LAMA2: variants seen among roughly 807,000 people sequenced by gnomAD.
LAMA2 encodes the protein laminin subunit alpha 2.
Under a neutral mutation model 364.8 loss-of-function variants are expected in LAMA2, and 269 were observed. The observed-to-expected ratio is 0.74, with a 90% confidence interval of 0.67 to 0.82. LAMA2 has a LOEUF of 0.82. LAMA2 is among the 40% of genes least tolerant of loss of function. LAMA2 has a pLI of 0.00. For synonymous variants in LAMA2, 1,379 were observed against 1,370.6 expected, an observed-to-expected ratio of 1.01 and a Z score of -0.14; for missense variants, 3,807 against 3,873.2, an observed-to-expected ratio of 0.98 and a Z score of 0.45.
intron 1 of LAMA2, among the ~76,000 whole-genome samples, chr6:128,942,090 G>A (rs1278825447): frequency 6.6e-6 from 1 of 152,108 alleles, no homozygotes; most frequent in Admixed American, 6.6e-5. Context: ...AACAACGGAA[G>A]CACAAATAGT....
At chr6:129,277,455 T>A (rs890888511) in intron 17 of LAMA2, among the ~76,000 whole-genome samples, 9 of 152,212 alleles carry the variant, frequency 5.9e-5, no homozygotes, top group African/African-American at 1.9e-4. Flanking sequence ...CAGTTTATGT[T>A]GTTGAAAGAA....
At chr6:129,204,596 C>T (rs1182353874) in intron 12 of LAMA2, among the ~76,000 whole-genome samples, 1 of 152,160 alleles carries the variant, frequency 6.6e-6, no homozygotes, top group African/African-American at 2.4e-5. Flanking sequence ...CCTCTTAGCC[C>T]TCAAAGGGAA....
At chr6:129,221,924 T>C (rs1228009734) in intron 12 of LAMA2, among the ~76,000 whole-genome samples, 1 of 152,252 alleles carries the variant, frequency 6.6e-6, no homozygotes, top group African/African-American at 2.4e-5. Flanking sequence ...GATAATATGA[T>C]GCTTAGTGAT....
rs542618995 is a variant in LAMA2 at position 129,256,898 on chromosome 6, T to TA, written c.2097-3812dup. Reference sequence around the variant, plus strand: ...TGTTTTAGTGTAATATAGCATATCTTACTCTGGTGGGAAATGTAGTAAAAC... The same window carrying TA: ...TGTTTTAGTGTAATATAGCATATCTTAACTCTGGTGGGAAATGTAGTAAAAC... On this transcript the variant is annotated intron_variant, in intron 14 of 64. Transcript: ENST00000421865. Among the ~76,000 whole-genome samples the TA allele has an allele frequency of 1.2e-4, 18 of 150,644 alleles. No homozygotes were observed. In the East Asian group the frequency reaches 2.9e-3, roughly 24 times the overall value.
At chr6:129,015,518 T>C (rs1785016241) in intron 1 of LAMA2, among the ~76,000 whole-genome samples, 1 of 152,112 alleles carries the variant, frequency 6.6e-6, no homozygotes, top group African/African-American at 2.4e-5. Flanking sequence ...GTATATAATA[T>C]GAAATATACC....
chr6:129,323,883 G>A (rs893964917), intron 28 of LAMA2, among the ~76,000 whole-genome samples: 1 of 152,208 alleles, frequency 6.6e-6, no homozygotes, highest in Non-Finnish European at 1.5e-5. Context: ...CTTTAGGCTT[G>A]CAGTTGAATG....
At chr6:129,059,296 G>A (rs1486482017) in intron 2 of LAMA2, among the ~76,000 whole-genome samples, 1 of 151,940 alleles carries the variant, frequency 6.6e-6, no homozygotes, top group Non-Finnish European at 1.5e-5. Context: ...ATATATATTG[G>A]ACTCCCTACG....
At chr6:129,148,398 A>T (rs1365457680) in intron 6 of LAMA2, among the ~76,000 whole-genome samples, 2 of 152,080 alleles carry the variant, frequency 1.3e-5, no homozygotes, top group African/African-American at 4.8e-5. Context: ...CAGACAGCTA[A>T]TGCATGCAGG....
chr6:128,914,709 T>TGTA (rs1420135296), intron 1 of LAMA2, among the ~76,000 whole-genome samples: 1 of 152,160 alleles, frequency 6.6e-6, no homozygotes, highest in Non-Finnish European at 1.5e-5. Context: ...TGAGATAAAC[T>TGTA]GTAAGTGTAT....
chr6:129,370,706 T>C (rs1324896812), intron 34 of LAMA2, among the ~76,000 whole-genome samples: 1 of 152,230 alleles, frequency 6.6e-6, no homozygotes, highest in Admixed American at 6.5e-5. Context: ...GCTAGAAGGT[T>C]CCTGGGGATT....
At chr6:129,397,184 C>A (rs544899633) in intron 37 of LAMA2, among the ~76,000 whole-genome samples, 22 of 152,032 alleles carry the variant, frequency 1.4e-4, no homozygotes, top group Middle Eastern at 3.4e-3. Context: ...GAAATATAAT[C>A]AACCTTCATA....
At chr6:129,021,153 C>T (rs1016416187) in intron 1 of LAMA2, among the ~76,000 whole-genome samples, 11 of 152,132 alleles carry the variant, frequency 7.2e-5, no homozygotes, top group African/African-American at 2.7e-4. Flanking sequence ...CAGTGTTTAA[C>T]ACAACCCCCA....
intron 52 of LAMA2, 130 bp from the exon 53 acceptor site, chr6:129,475,260 C>T: frequency 1.7e-6 from 1 of 599,292 alleles, no homozygotes; most frequent in Non-Finnish European, 2.8e-6. Flanking sequence ...CATTTCTTTC[C>T]TTTGTAGATC....
At chr6:129,078,625 T>G (rs1773818750) in intron 3 of LAMA2, among the ~76,000 whole-genome samples, 2 of 152,216 alleles carry the variant, frequency 1.3e-5, no homozygotes, top group Non-Finnish European at 2.9e-5. Context: ...CCTCTTATAA[T>G]ATGGTATGGC....
At chr6:129,162,332 A>G (rs528683876) in intron 8 of LAMA2, among the ~76,000 whole-genome samples, 2 of 152,206 alleles carry the variant, frequency 1.3e-5, no homozygotes, top group Admixed American at 1.3e-4. Flanking sequence ...TCACAAAACT[A>G]TGAAAACAAT....
intron 12 of LAMA2, among the ~76,000 whole-genome samples, chr6:129,205,493 T>TATATATATATATATATATACAC (rs1343472728): frequency 2.7e-4 from 28 of 104,252 alleles, no homozygotes; most frequent in African/African-American, 1.4e-3. Flanking sequence ...TATATATATA[T>TATATATATATATATATATACAC]ACACACACAC....
At chr6:129,470,327 G>C (rs1783749845) in intron 51 of LAMA2, among the ~76,000 whole-genome samples, 1 of 151,806 alleles carries the variant, frequency 6.6e-6, no homozygotes, top group Non-Finnish European at 1.5e-5. Flanking sequence ...AGTACGCAAG[G>C]AAAATATAGA....
At chr6:129,145,861 T>A (rs1365469209) in intron 5 of LAMA2, among the ~76,000 whole-genome samples, 3 of 151,998 alleles carry the variant, frequency 2.0e-5, no homozygotes, top group Admixed American at 2.0e-4. Flanking sequence ...TAAAAGCATT[T>A]ACAAATACTA....
intron 1 of LAMA2, among the ~76,000 whole-genome samples, chr6:128,987,997 T>G (rs1783373200): frequency 6.6e-6 from 1 of 152,106 alleles, no homozygotes; most frequent in Non-Finnish European, 1.5e-5. Context: ...CCCAAATAGC[T>G]GGGATTACAG....
Sources: allele counts gnomAD v4.1 joint callset (sites outside exome capture counted in the v4.1 genomes callset), GRCh38; gene constraint gnomAD v4.1.1; transcripts MANE v1.5; gene names NCBI Gene and HGNC (gene_info 2026-07-23, HGNC 2026-07-21).